Variants in CTBP2 observed in about 807,000 individuals in gnomAD.
CTBP2 encodes the protein C-terminal binding protein 2.
Under a neutral mutation model 80.3 loss-of-function variants are expected in CTBP2, and 30 were observed. The observed-to-expected ratio is 0.37, with a 90% CI of 0.28 to 0.51. CTBP2 has a LOEUF of 0.51. Ranked by LOEUF, CTBP2 falls within the 20% of genes least tolerant of loss-of-function variation. CTBP2 has a pLI of 0.93. For synonymous variants in CTBP2, 594 were observed against 587.4 expected, an observed-to-expected ratio of 1.01 and a Z score of -0.16; for missense variants, 1,212 against 1,375.3, an observed-to-expected ratio of 0.88 and a Z score of 1.88.
rs564472582 is a variant in CTBP2 at position 125,057,281 on chromosome 10, G to A, written c.-101-18126C>T. Reference sequence around the variant, plus strand: ...TGGTGTCAAAAGGTCAGCAGGAAGTGAGTGGGATTTACGTGGCTGGGATTG... The same window carrying A: ...TGGTGTCAAAAGGTCAGCAGGAAGTAAGTGGGATTTACGTGGCTGGGATTG... On this transcript the variant is annotated intron_variant, in intron 2 of 10. Transcript: ENST00000337195. 5.2e-5 allele frequency among the ~76,000 whole-genome samples: 8 copies of A among 152,386 alleles called. No individual in the cohort carries two copies. The South Asian group carries it at 1.7e-3, about 32-fold the overall frequency.
chr10:125,129,828 G>A (rs538682410), intron 1 of CTBP2, among the ~76,000 whole-genome samples: 3 of 152,286 alleles, frequency 2.0e-5, no homozygotes, highest in Non-Finnish European at 2.9e-5. Flanking sequence ...AACAGCACAC[G>A]ACAGAGCAGC....
At chr10:125,153,123 C>T (rs988393755) in intron 1 of CTBP2, among the ~76,000 whole-genome samples, 5 of 152,238 alleles carry the variant, frequency 3.3e-5, no homozygotes, top group African/African-American at 7.2e-5. Flanking sequence ...CTCCCTGTTC[C>T]GAGCAGAGTA....
intron 3 of CTBP2, chr10:125,001,070 G>T (rs1458825299): frequency 6.6e-6 from 1 of 152,242 alleles, no homozygotes; most frequent in Non-Finnish European, 1.5e-5. Flanking sequence ...AGAACTCAGG[G>T]AACACAACCT....
At position 125,146,626 on chromosome 10, in the gene CTBP2, C is replaced by A. The variant is rs578131900; in HGVS notation, c.-206+13693G>T. On this transcript the variant is annotated intron_variant, in intron 1 of 10. Coordinates refer to the CTBP2 transcript ENST00000337195. ...ATAGCATGAGTTGAATCCAAAGAAA[C>A]TGCTGGTCCATGAAATGACCAGCCC... Among the ~76,000 whole-genome samples, 456 of 152,200 alleles carry A rather than the reference C, an allele frequency of 3.0e-3. 1 individual carries two copies. The highest frequency in any genetic ancestry group is 0.01 in the African/African-American group (429 of 41,526).
At chr10:125,079,133 T>G (rs984596219) in intron 2 of CTBP2, among the ~76,000 whole-genome samples, 1 of 121,208 alleles carries the variant, frequency 8.3e-6, no homozygotes, top group Non-Finnish European at 1.6e-5. Flanking sequence ...GGTGACAGAG[T>G]GAGACCTTGT....
chr10:125,092,550 C>T (rs568942693), intron 2 of CTBP2, among the ~76,000 whole-genome samples: 1 of 152,328 alleles, frequency 6.6e-6, no homozygotes, highest in Non-Finnish European at 1.5e-5. Flanking sequence ...ATCTAACCTT[C>T]TTCCCACCCG....
chr10:125,147,634 C>T (rs1397533582), intron 1 of CTBP2, among the ~76,000 whole-genome samples: 5 of 152,154 alleles, frequency 3.3e-5, no homozygotes, highest in South Asian at 2.1e-4. Flanking sequence ...TGGCAGCTCA[C>T]ACCTGTAATC....
rs945627450 is a variant in CTBP2, at chr10:125,085,371, G to A, written c.-102+25619C>T. On this transcript the variant is annotated intron_variant, in intron 2 of 10. Coordinates refer to the CTBP2 transcript ENST00000337195. ...GACAAAGTCATTACGGCAGGATCCC[G>A]TCTCCTTCCTGTACACACGCCTGAC... Among the ~76,000 whole-genome samples, 8 of 152,270 alleles carry A rather than the reference G, an allele frequency of 5.3e-5. 1 individual carries two copies. In the Middle Eastern group the frequency reaches 0.017, roughly 324 times the overall value.
intron 1 of CTBP2, among the ~76,000 whole-genome samples, chr10:125,151,719 C>T (rs1398299399): frequency 3.9e-5 from 6 of 152,210 alleles, no homozygotes; most frequent in African/African-American, 2.4e-5. Flanking sequence ...TGCTCTGAGC[C>T]TCGAGTGCGG....
At position 125,111,112 on chromosome 10, in the gene CTBP2, G is replaced by C. The variant is rs994712999; in HGVS notation, c.-205-19C>G. On this transcript the variant is annotated intron_variant, in intron 1 of 10. Coordinates refer to the CTBP2 transcript ENST00000337195. ...TGAAACCCTGAAAGCAAAATGAATG[G>C]AGTCAGTGAAGATGAAGTAGAGATT... The C allele has an allele frequency of 6.6e-6, 1 of 152,302 alleles. No individual in the cohort carries two copies. Among genetic ancestry groups the C allele is most frequent in the African/African-American group, 2.4e-5 (1 of 41,242 alleles). The allele number at this position is 152,302 out of a possible 1,614,324, so 9.4% of individuals were successfully genotyped here.
intron 1 of CTBP2, among the ~76,000 whole-genome samples, chr10:125,140,943 C>T (rs1415344585): frequency 2.0e-5 from 3 of 152,040 alleles, no homozygotes; most frequent in African/African-American, 4.8e-5. Flanking sequence ...AGTTTGAGAC[C>T]AGCCTGGCCA....
intron 1 of CTBP2, among the ~76,000 whole-genome samples, chr10:125,131,583 A>G (rs10901865): frequency 0.38 from 58,033 of 152,090 alleles, 11,779 homozygotes; most frequent in African/African-American, 0.52. Flanking sequence ...GGCGGGTTGG[A>G]ACTACCCAAC....
intron 1 of CTBP2, among the ~76,000 whole-genome samples, chr10:125,007,968 CAG>C (rs988588353): frequency 4.7e-5 from 7 of 150,176 alleles, no homozygotes; most frequent in African/African-American, 1.5e-4. Context: ...TTTTTGGAGA[CAG>C]AGTTTCACTT....
chr10:125,113,234 A>C (rs565012218), intron 1 of CTBP2, among the ~76,000 whole-genome samples: 1 of 152,218 alleles, frequency 6.6e-6, no homozygotes, highest in Non-Finnish European at 1.5e-5. Flanking sequence ...CAAGCATCTA[A>C]CAGCCAAGGA....
rs759877980 is a variant in CTBP2 at position 124,993,943 on chromosome 10, G to C, written c.2443C>G (p.Leu815Val). The C allele has an allele frequency of 4.3e-6, 7 of 1,614,198 alleles. No individual in the cohort carries two copies. Among genetic ancestry groups the C allele is most frequent in the Non-Finnish European group, 5.9e-6 (7 of 1,180,042 alleles). The change falls in exon 6 of 9, where the codon CTG (leucine) becomes GTG (valine). Residue 815 changes from leucine to valine, a missense_variant. Leu to Val is a conservative substitution (Grantham distance 32). Coordinates refer to ENST00000309035, the MANE Select transcript of CTBP2 (RefSeq NM_022802.3). ...TGTGCTAAGGCTTTCTCGTCCACCA[G>C]GCCGCCACGGGCTGCGTTCACAAGG...
chr10:125,048,084 G>A (rs1961712446), intron 2 of CTBP2, among the ~76,000 whole-genome samples: 1 of 151,992 alleles, frequency 6.6e-6, no homozygotes, highest in East Asian at 1.9e-4. Context: ...TCTTGACACC[G>A]TAGGGTCCAG....
intron 1 of CTBP2, among the ~76,000 whole-genome samples, chr10:125,007,108 C>A (rs904478377): frequency 6.6e-5 from 10 of 152,246 alleles, no homozygotes; most frequent in African/African-American, 2.4e-4. Context: ...TCTACCGTCT[C>A]CCGCCAGTAA....
Position 125,153,147 on chromosome 10 carries a change from G to A in CTBP2, c.-206+7172C>T, listed in dbSNP as rs78191224. Among the ~76,000 whole-genome samples, 751 of 152,326 alleles carry A rather than the reference G, an allele frequency of 4.9e-3. 3 individuals are homozygous for A. The highest frequency in any genetic ancestry group is 0.02 in the Middle Eastern group (6 of 294). On this transcript the variant is annotated intron_variant, in intron 1 of 10. Coordinates refer to the CTBP2 transcript ENST00000337195. ...CCGAGCAGAGTAAGGCCACATGACC[G>A]CACAGAGGACAATGTTGGGCTTCCC...
At chr10:125,118,807 T>A (rs1483402975) in intron 1 of CTBP2, among the ~76,000 whole-genome samples, 1 of 152,158 alleles carries the variant, frequency 6.6e-6, no homozygotes, top group Non-Finnish European at 1.5e-5. Flanking sequence ...GGCGCGCAGC[T>A]CCGAAAGACA....
Sources: allele counts gnomAD v4.1 joint callset (sites outside exome capture counted in the v4.1 genomes callset), GRCh38; gene constraint gnomAD v4.1.1; transcripts MANE v1.5; gene names NCBI Gene and HGNC (gene_info 2026-07-23, HGNC 2026-07-21).